CRTAM: variants seen among roughly 807,000 people sequenced by gnomAD.
The protein encoded by CRTAM is cytotoxic and regulatory T cell molecule, also known as cytotoxic and regulatory T-cell molecule.
Under a neutral mutation model 50.0 loss-of-function variants are expected in CRTAM, and 44 were observed. That is an observed-to-expected ratio of 0.88 (90% CI 0.69 to 1.13). CRTAM has a LOEUF of 1.13. CRTAM is among the 50% of genes most tolerant of loss of function. CRTAM has a pLI of 0.00. For missense variants in CRTAM, 448 were observed against 457.5 expected, an observed-to-expected ratio of 0.98 and a Z score of 0.19; for synonymous variants, 159 against 169.3, an observed-to-expected ratio of 0.94 and a Z score of 0.47.
At chr11:122,854,470 C>T (rs540286405) in intron 4 of CRTAM, among the ~76,000 whole-genome samples, 167 of 151,988 alleles carry the variant, frequency 1.1e-3, no homozygotes, top group Middle Eastern at 3.4e-3. Context: ...GTCAGGAGTT[C>T]GAGACCAGCC....
At chr11:122,863,351 A>AAGAAAGAAAGAAAGAAAGAAAG (rs1244147699) in intron 6 of CRTAM, among the ~76,000 whole-genome samples, 110 of 60,714 alleles carry the variant, frequency 1.8e-3, no homozygotes, top group African/African-American at 4.3e-3. Context: ...GAAAGAAAGA[A>AAGAAAGAAAGAAAGAAAGAAAG]AAAGAAAGAA....
chr11:122,869,878 G>A (rs1290132002), intron 9 of CRTAM, among the ~76,000 whole-genome samples: 5 of 152,152 alleles, frequency 3.3e-5, no homozygotes, highest in South Asian at 2.1e-4. Flanking sequence ...CATCCAAGTC[G>A]ATTGTGTTGC....
intron 1 of CRTAM, among the ~76,000 whole-genome samples, chr11:122,849,325 C>T (rs1020085251): frequency 1.3e-5 from 2 of 152,234 alleles, no homozygotes; most frequent in African/African-American, 4.8e-5. Context: ...TTGCCATCCA[C>T]AGCCCTGGGT....
intron 5 of CRTAM, among the ~76,000 whole-genome samples, chr11:122,858,830 T>A (rs1862037446): frequency 6.6e-6 from 1 of 152,152 alleles, no homozygotes; most frequent in Admixed American, 6.6e-5. Context: ...ACCTGGTTTA[T>A]TTCATCTTTT....
At chr11:122,861,430 T>TA (rs1862081302) in intron 5 of CRTAM, among the ~76,000 whole-genome samples, 1 of 82,316 alleles carries the variant, frequency 1.2e-5, no homozygotes, top group Non-Finnish European at 2.5e-5. Context: ...ATTTTTTTTT[T>TA]TTTTTTTTTT....
chr11:122,854,326 T>A (rs531928159), intron 4 of CRTAM, among the ~76,000 whole-genome samples: 2 of 152,340 alleles, frequency 1.3e-5, no homozygotes, highest in Non-Finnish European at 2.9e-5. Flanking sequence ...AAGTGAACTA[T>A]AATGACTTCT....
At chr11:122,851,359 G>A (rs1372472498) in intron 2 of CRTAM, among the ~76,000 whole-genome samples, 1 of 151,842 alleles carries the variant, frequency 6.6e-6, no homozygotes, top group Admixed American at 6.6e-5. Context: ...AAATCAACTA[G>A]AAGTAAATAC....
intron 5 of CRTAM, among the ~76,000 whole-genome samples, chr11:122,858,035 C>A (rs541521875): frequency 2.0e-5 from 3 of 152,116 alleles, no homozygotes; most frequent in Non-Finnish European, 4.4e-5. Flanking sequence ...ACCTCAGCCC[C>A]TCAAGTTGCT....
At chr11:122,851,425 T>TCC (rs1392083256) in intron 2 of CRTAM, among the ~76,000 whole-genome samples, 3 of 152,216 alleles carry the variant, frequency 2.0e-5, no homozygotes, top group Non-Finnish European at 4.4e-5. Context: ...TTCTGTTACA[T>TCC]AATGCTTTTT....
intron 6 of CRTAM, 172 bp from the exon 7 acceptor site, chr11:122,864,464 C>T (rs1862141271): frequency 1.8e-6 from 1 of 555,702 alleles, no homozygotes; most frequent in Admixed American, 3.3e-5. Context: ...CAAAGTGAGC[C>T]TAGCCATTTG....
Position 122,854,053 on chromosome 11 carries a change from A to G in CRTAM, c.457A>G (p.Thr153Ala). 1 of 1,614,012 alleles carries G rather than the reference A, an allele frequency of 6.2e-7. No individual in the cohort carries two copies. The change falls in exon 4 of 10, where the codon ACC becomes GCC. Residue 153 changes from threonine to alanine, a missense_variant. Thr to Ala is a moderately conservative substitution (Grantham distance 58). Coordinates refer to ENST00000227348, the MANE Select transcript of CRTAM (RefSeq NM_019604.4). ...GAGAAGCAAGCCCCCTCCGCAGATA[A>G]CCTGGCTACTTGGGAATAGCATGGA... is the stretch of plus-strand genomic sequence containing the variant. ...TMRSKPPPQI[T>A]WLLGNSMEVS...
chr11:122,854,525 C>T (rs1170302555), intron 4 of CRTAM, among the ~76,000 whole-genome samples: 1 of 151,556 alleles, frequency 6.6e-6, no homozygotes, highest in Non-Finnish European at 1.5e-5. Flanking sequence ...ATAAAATTAG[C>T]TGGGTTTGGT....
intron 6 of CRTAM, among the ~76,000 whole-genome samples, chr11:122,863,908 A>G (rs888868009): frequency 6.6e-6 from 1 of 152,164 alleles, no homozygotes. Flanking sequence ...CGGGGTCCAC[A>G]TAGTGGCGCT....
intron 5 of CRTAM, among the ~76,000 whole-genome samples, chr11:122,859,473 A>G (rs1862045438): frequency 6.6e-6 from 1 of 152,196 alleles, no homozygotes; most frequent in Admixed American, 6.5e-5. Context: ...GATTAGTGTG[A>G]AAATGTCATT....
intron 7 of CRTAM, among the ~76,000 whole-genome samples, chr11:122,866,119 A>G (rs565280882): frequency 2.0e-5 from 3 of 152,302 alleles, no homozygotes; most frequent in African/African-American, 7.2e-5. Flanking sequence ...ACACCTCATT[A>G]GGTGCCATCT....
chr11:122,852,023 G>T (rs1861936842), intron 3 of CRTAM, among the ~76,000 whole-genome samples, 178 bp downstream of exon 3: 1 of 152,196 alleles, frequency 6.6e-6, no homozygotes, highest in Admixed American at 6.5e-5. Context: ...GCAAGACCAA[G>T]ATTGAACTGT....
chr11:122,855,646 C>A, intron 4 of CRTAM, 49 bp from the exon 5 acceptor site: 1 of 1,562,782 alleles, frequency 6.4e-7, no homozygotes, highest in Non-Finnish European at 8.8e-7. Context: ...TAGAACCAAC[C>A]TCATCCAGTA....
At chr11:122,852,922 G>C (rs1861950539) in intron 3 of CRTAM, among the ~76,000 whole-genome samples, 1 of 152,306 alleles carries the variant, frequency 6.6e-6, no homozygotes, top group East Asian at 1.9e-4. Context: ...TGGCAGATGG[G>C]TGAGTTAAGT....
intron 1 of CRTAM, among the ~76,000 whole-genome samples, chr11:122,842,793 GCAGTGGTTGGTGATGACATTAATTTAT>G: frequency 6.6e-6 from 1 of 152,322 alleles, no homozygotes; most frequent in South Asian, 2.1e-4. Flanking sequence ...TATCTGGTGT[GCAGTGGTTGGTGATGACATTAATTTAT>G]ATAAGGGAAC....
Sources: allele counts gnomAD v4.1 joint callset (sites outside exome capture counted in the v4.1 genomes callset), GRCh38; gene constraint gnomAD v4.1.1; transcripts MANE v1.5; gene names NCBI Gene and HGNC (gene_info 2026-07-23, HGNC 2026-07-21).